Variants in RBFOX1 observed in about 807,000 individuals in gnomAD.
RBFOX1 encodes RNA binding fox-1 homolog 1, also known as RNA binding protein fox-1 homolog 1.
Under a neutral mutation model 57.7 loss-of-function variants are expected in RBFOX1, and 8 were observed. The ratio of observed to expected loss-of-function variants is 0.14; its 90% confidence interval spans 0.08 to 0.25. The LOEUF (loss-of-function observed/expected upper bound fraction) is 0.25, where lower values mean the gene tolerates loss of function less well. Ranked by LOEUF, RBFOX1 falls within the 10% of genes least tolerant of loss-of-function variation. The pLI is 1.00. For synonymous variants in RBFOX1, 326 were observed against 222.4 expected (o/e 1.47, Z -4.15); for missense variants, 611 against 548.5 (o/e 1.11, Z -1.14).
chr16:6,897,789 G>A lies in RBFOX1; in HGVS notation c.-15-154268G>A, dbSNP rs553055042. 1.2e-4 allele frequency among the ~76,000 whole-genome samples: 19 copies of A among 152,162 alleles called. No homozygotes were observed. In the South Asian group the frequency reaches 2.9e-3, roughly 23 times the overall value. On this transcript the variant is annotated intron_variant, in intron 3 of 15. Coordinates refer to ENST00000550418, the MANE Select transcript of RBFOX1 (RefSeq NM_018723.4). ...GCCTTGGATGACAGAGCGAGATTCC[G>A]TCTCAAAAAATAAAAAAAGGCTAAG...
intron 3 of RBFOX1, among the ~76,000 whole-genome samples, chr16:5,854,302 G>A (rs1395570359): frequency 6.6e-6 from 1 of 152,186 alleles, no homozygotes; most frequent in Non-Finnish European, 1.5e-5. Context: ...CTGCGTAACT[G>A]AAACTTTGTG....
intron 4 of RBFOX1, among the ~76,000 whole-genome samples, chr16:7,451,686 G>A (rs1443192260): frequency 8.0e-5 from 8 of 100,520 alleles, no homozygotes; most frequent in South Asian, 3.1e-4. Flanking sequence ...CCCTCCCCCC[G>A]CCCCGTATTC....
intron 4 of RBFOX1, among the ~76,000 whole-genome samples, chr16:7,086,430 G>T (rs538388321): frequency 6.6e-6 from 1 of 151,952 alleles, no homozygotes; most frequent in South Asian, 2.1e-4. Context: ...ATTGAACACT[G>T]CATCAATTAA....
chr16:7,473,089 G>T (rs372927176), intron 4 of RBFOX1, among the ~76,000 whole-genome samples: 1 of 152,146 alleles, frequency 6.6e-6, no homozygotes, highest in African/African-American at 2.4e-5. Context: ...TAGATTAAAA[G>T]GATCTCCGCT....
At chr16:6,369,008 A>T (rs1250177820) in intron 2 of RBFOX1, among the ~76,000 whole-genome samples, 1 of 152,224 alleles carries the variant, frequency 6.6e-6, no homozygotes, top group Admixed American at 6.5e-5. Flanking sequence ...AAAATTGAAA[A>T]CATGCTTGTG....
chr16:5,951,648 A>C lies in RBFOX1; in HGVS notation c.351+84313A>C, dbSNP rs533421378. On this transcript the variant is annotated intron_variant, in intron 4 of 19. Coordinates refer to the RBFOX1 transcript ENST00000641259. ...ACCCCCACACCACTTATCAGCAGAA[A>C]CAGTCCCTGCACTGCTGAGTCTCCC... is the stretch of plus-strand genomic sequence containing the variant. Among the ~76,000 whole-genome samples, 25 of 152,160 alleles carry C rather than the reference A, an allele frequency of 1.6e-4. 1 individual carries two copies. The South Asian group carries it at 5.0e-3, about 30-fold the overall frequency.
rs568112605 is a variant in RBFOX1, at chr16:7,551,187, A to C, written c.271-28590A>C. On this transcript the variant is annotated intron_variant, in intron 5 of 15. Coordinates refer to ENST00000550418, the MANE Select transcript of RBFOX1 (RefSeq NM_018723.4). ...CTGGTGTGCACCGCTGCCTTAAAGA[A>C]CTTTTAAAAAGGTCAGTCTCAGAAA... 3.3e-5 allele frequency among the ~76,000 whole-genome samples: 5 copies of C among 152,240 alleles called. No homozygotes were observed. In the East Asian group the frequency reaches 9.7e-4, roughly 29 times the overall value.
intron 4 of RBFOX1, among the ~76,000 whole-genome samples, chr16:7,091,808 T>G (rs9926360): frequency 0.058 from 8,803 of 152,272 alleles, 531 homozygotes; most frequent in African/African-American, 0.16. Flanking sequence ...GCTTCGTTAT[T>G]AACTGAGTAT....
intron 3 of RBFOX1, among the ~76,000 whole-genome samples, chr16:6,811,559 G>C (rs1488039982): frequency 6.6e-6 from 1 of 152,124 alleles, no homozygotes; most frequent in South Asian, 2.1e-4. Flanking sequence ...TTGTTTTCTG[G>C]CGTTGGGAAG....
chr16:6,984,398 C>A (rs1481883900), intron 3 of RBFOX1, among the ~76,000 whole-genome samples: 1 of 152,126 alleles, frequency 6.6e-6, no homozygotes, highest in Non-Finnish European at 1.5e-5. Flanking sequence ...TACTGAGCAT[C>A]CTCACCAGCC....
chr16:6,972,983 T>A (rs2085924794), intron 3 of RBFOX1, among the ~76,000 whole-genome samples: 1 of 151,608 alleles, frequency 6.6e-6, no homozygotes, highest in African/African-American at 2.4e-5. Flanking sequence ...TAAAAATAGT[T>A]AGCCCAGCAC....
chr16:6,895,082 A>T (rs1024263934), intron 3 of RBFOX1, among the ~76,000 whole-genome samples: 11 of 152,144 alleles, frequency 7.2e-5, no homozygotes, highest in African/African-American at 2.7e-4. Flanking sequence ...TAAATAATCT[A>T]ATGACTTAAA....
intron 4 of RBFOX1, among the ~76,000 whole-genome samples, chr16:7,342,494 TGCCA>T (rs759149025): frequency 7.9e-5 from 12 of 152,250 alleles, no homozygotes; most frequent in Non-Finnish European, 1.8e-4. Flanking sequence ...CACAACTGAT[TGCCA>T]GCAGTGTTGT....
At chr16:5,528,556 T>C (rs1253725470) in intron 2 of RBFOX1, among the ~76,000 whole-genome samples, 1 of 131,000 alleles carries the variant, frequency 7.6e-6, no homozygotes, top group African/African-American at 2.9e-5. Context: ...TTTTTTTTTT[T>C]TTTTTTTTTC....
chr16:5,797,699 G>A (rs528054037), intron 3 of RBFOX1, among the ~76,000 whole-genome samples: 1 of 152,258 alleles, frequency 6.6e-6, no homozygotes, highest in African/African-American at 2.4e-5. Flanking sequence ...TGTGGTCAGA[G>A]GCCATATCTA....
chr16:7,103,413 C>T (rs1311032551), intron 4 of RBFOX1, among the ~76,000 whole-genome samples: 2 of 152,136 alleles, frequency 1.3e-5, no homozygotes, highest in Non-Finnish European at 2.9e-5. Flanking sequence ...TACACAGAAC[C>T]TACATACTAG....
At chr16:5,796,553 G>T (rs2054885829) in intron 3 of RBFOX1, among the ~76,000 whole-genome samples, 1 of 137,368 alleles carries the variant, frequency 7.3e-6, no homozygotes. Context: ...GTATCAGATG[G>T]TGTCTCCACA....
chr16:6,045,707 A>G (rs1453066261), intron 1 of RBFOX1, among the ~76,000 whole-genome samples: 2 of 152,216 alleles, frequency 1.3e-5, no homozygotes, highest in East Asian at 3.8e-4. Flanking sequence ...AGCCATACCG[A>G]TGGTGATATG....
At chr16:6,112,361 G>A (rs1431455245) in intron 1 of RBFOX1, among the ~76,000 whole-genome samples, 2 of 152,176 alleles carry the variant, frequency 1.3e-5, no homozygotes, top group East Asian at 3.9e-4. Flanking sequence ...ACCTTGACAT[G>A]TTGAGTAGTA....
Sources: gnomAD v4.1 joint callset for allele counts (sites outside exome capture counted in the v4.1 genomes callset) on GRCh38, gnomAD v4.1.1 for gene constraint, MANE v1.5 for transcripts, NCBI Gene and HGNC (gene_info 2026-07-23, HGNC 2026-07-21) for gene names.